PELI1: variants seen among roughly 807,000 people sequenced by gnomAD.
The protein encoded by PELI1 is E3 ubiquitin-protein ligase pellino homolog 1.
In PELI1, 15 loss-of-function variants were observed where a neutral mutation model predicts 41.3. That is an observed-to-expected ratio of 0.36 (90% confidence interval 0.24 to 0.56). The LOEUF is 0.56. PELI1 is among the 20% of genes least tolerant of loss of function. PELI1 has a pLI of 0.82. For synonymous variants in PELI1, 178 were observed against 180.1 expected (o/e 0.99, Z 0.09); for missense variants, 403 against 525.5 (o/e 0.77, Z 2.28).
At chr2:64,132,367 G>T (rs185389133) in intron 1 of PELI1, among the ~76,000 whole-genome samples, 1 of 152,198 alleles carries the variant, frequency 6.6e-6, no homozygotes, top group Non-Finnish European at 1.5e-5. Context: ...AATATTCCAC[G>T]ATCTGAAAAA....
At chr2:64,104,633 C>A in intron 3 of PELI1, 68 bp downstream of exon 3, 2 of 1,481,216 alleles carry the variant, frequency 1.4e-6, no homozygotes, top group South Asian at 1.4e-5. Context: ...CTAGAGAATA[C>A]AAACAACACA....
In PELI1 at chr2:64,135,224, T is replaced by C. The variant is rs1243245487; in HGVS notation, c.-70+8857A>G. ...ATCAAACTTTGCTAGTTTAGGTATGTAGGTTCTGGATGGATGCAGGATTAA... is the reference window on the plus strand; with the variant it reads ...ATCAAACTTTGCTAGTTTAGGTATGCAGGTTCTGGATGGATGCAGGATTAA... On this transcript the variant is annotated intron_variant, in intron 1 of 6. Coordinates refer to ENST00000358912, the MANE Select transcript of PELI1 (RefSeq NM_020651.4). Among the ~76,000 whole-genome samples the C allele has an allele frequency of 3.3e-5, 5 of 152,112 alleles. No homozygotes were observed. The East Asian group carries it at 7.7e-4, about 23-fold the overall frequency.
At chr2:64,143,846 C>T (rs1191467435) in intron 1 of PELI1, among the ~76,000 whole-genome samples, 1 of 151,716 alleles carries the variant, frequency 6.6e-6, no homozygotes, top group African/African-American at 2.4e-5. Flanking sequence ...CGCTCCCGGG[C>T]GGAGGGGGAG....
rs951454910 is a variant in PELI1 at position 64,138,674 on chromosome 2, C to G, written c.-70+5407G>C. On this transcript the variant is annotated intron_variant, in intron 1 of 6. Coordinates refer to ENST00000358912, the MANE Select transcript of PELI1 (RefSeq NM_020651.4). ...CCCAGGAAACAGAATTTGCAGTGACCTGAGATCGCCCCACTGCACTCCAGC... is the reference window on the plus strand; with the variant it reads ...CCCAGGAAACAGAATTTGCAGTGACGTGAGATCGCCCCACTGCACTCCAGC... Among the ~76,000 whole-genome samples, 3 of 152,188 alleles carry G rather than the reference C, an allele frequency of 2.0e-5. No individual in the cohort carries two copies. The East Asian group carries it at 5.8e-4, about 29-fold the overall frequency.
chr2:64,141,312 C>CCCCCG (rs1444982980), intron 1 of PELI1, among the ~76,000 whole-genome samples: 2 of 145,806 alleles, frequency 1.4e-5, no homozygotes, highest in Admixed American at 6.8e-5. Flanking sequence ...CCGCCCCCAC[C>CCCCCG]CCAAAGGAGC....
intron 1 of PELI1, among the ~76,000 whole-genome samples, chr2:64,117,639 G>T (rs891400314): frequency 1.2e-4 from 18 of 152,200 alleles, no homozygotes; most frequent in African/African-American, 4.3e-4. Context: ...CTCCAATATT[G>T]TAGTAAAGTC....
Position 64,095,098 on chromosome 2 carries a change from G to A in PELI1, c.861C>T (p.Asn287=). The stretch of plus-strand genomic sequence containing the variant: ...TCTTCATACTAGGAAATGCTAGTGT[G>A]TTGAACCCTACAGGGCACTGAGGTC... ...AARPQCPVGF[N]TLAFPSMKRK... Residue 287 remains asparagine (N), a synonymous_variant, in exon 7 of 7, where the codon AAC becomes AAT. Transcript: ENST00000358912. 6.2e-7 allele frequency: 1 copy of A among 1,614,168 alleles called. No individual in the cohort carries two copies. The highest frequency in any genetic ancestry group is 8.5e-7 in the Non-Finnish European group (1 of 1,180,018).
At chr2:64,135,459 GT>G (rs1681686302) in intron 1 of PELI1, among the ~76,000 whole-genome samples, 1 of 152,110 alleles carries the variant, frequency 6.6e-6, no homozygotes, top group African/African-American at 2.4e-5. Flanking sequence ...CCATCCACAG[GT>G]TACTACTTTA....
chr2:64,128,469 T>C (rs1368869407), intron 1 of PELI1, among the ~76,000 whole-genome samples: 1 of 152,158 alleles, frequency 6.6e-6, no homozygotes, highest in Admixed American at 6.6e-5. Context: ...ATATACTATA[T>C]ACATCTTAAT....
At chr2:64,104,502 ATTT>A (rs369797397) in intron 3 of PELI1, 196 bp downstream of exon 3, 2 of 717,542 alleles carry the variant, frequency 2.8e-6, no homozygotes, top group Non-Finnish European at 3.9e-6. Context: ...CTGGTTTGTC[ATTT>A]TTTTTTTAAA....
Position 64,104,486 on chromosome 2 carries a change from C to T in PELI1, c.201+215G>A, listed in dbSNP as rs553943653. The T allele has an allele frequency of 4.6e-4, 274 of 589,430 alleles. 1 individual carries two copies. The highest frequency in any genetic ancestry group is 6.5e-4 in the Non-Finnish European group (259 of 397,864). The allele number at this position is 589,430 out of a possible 1,614,324, so 36.5% of individuals were successfully genotyped here. On this transcript the variant is annotated intron_variant, in intron 3 of 6. Transcript: ENST00000358912. ...AGTGTTTCCTTCTAATTTCCACCCACTGATCCTGGTTTGTCATTTTTTTTT... is the reference window on the plus strand; with the variant it reads ...AGTGTTTCCTTCTAATTTCCACCCATTGATCCTGGTTTGTCATTTTTTTTT...
chr2:64,123,846 T>A (rs181255593), intron 1 of PELI1, among the ~76,000 whole-genome samples: 1 of 152,184 alleles, frequency 6.6e-6, no homozygotes. Context: ...TGCATTAATG[T>A]TCACAGCAGC....
chr2:64,117,975 A>C (rs915313024), intron 1 of PELI1, among the ~76,000 whole-genome samples: 1 of 151,906 alleles, frequency 6.6e-6, no homozygotes, highest in African/African-American at 2.4e-5. Flanking sequence ...ACGCCCAGCT[A>C]ATTTTTTGTA....
intron 4 of PELI1, among the ~76,000 whole-genome samples, chr2:64,097,701 A>T (rs1327993326): frequency 1.3e-5 from 2 of 152,236 alleles, no homozygotes; most frequent in Non-Finnish European, 2.9e-5. Flanking sequence ...CTGAGAAAAA[A>T]TACTGACCCT....
chr2:64,114,169 A>G (rs999235906), intron 1 of PELI1, among the ~76,000 whole-genome samples: 3 of 152,206 alleles, frequency 2.0e-5, no homozygotes, highest in African/African-American at 4.8e-5. Flanking sequence ...TGGACTGCAT[A>G]TATTATCTCA....
At chr2:64,121,669 G>A (rs987312629) in intron 1 of PELI1, among the ~76,000 whole-genome samples, 25 of 152,184 alleles carry the variant, frequency 1.6e-4, no homozygotes, top group Non-Finnish European at 4.4e-5. Flanking sequence ...ACTTTGGAAG[G>A]CCAAGGCAGG....
At chr2:64,107,083 C>CA (rs1322228723) in intron 2 of PELI1, among the ~76,000 whole-genome samples, 2 of 152,028 alleles carry the variant, frequency 1.3e-5, no homozygotes, top group Admixed American at 1.3e-4. Flanking sequence ...CATGCACTAT[C>CA]ATGCCCAGCT....
intron 6 of PELI1, among the ~76,000 whole-genome samples, chr2:64,095,493 A>G (rs1680202881): frequency 6.6e-6 from 1 of 152,268 alleles, no homozygotes; most frequent in Admixed American, 6.5e-5. Context: ...AAGACAACTT[A>G]TGATTAAAAC....
intron 1 of PELI1, among the ~76,000 whole-genome samples, chr2:64,136,396 C>A (rs1261452638): frequency 3.3e-5 from 5 of 152,086 alleles, no homozygotes; most frequent in African/African-American, 1.2e-4. Context: ...CACATGCATA[C>A]ATACATCTAC....
Sources: gnomAD v4.1 joint callset for allele counts (sites outside exome capture counted in the v4.1 genomes callset) on GRCh38, gnomAD v4.1.1 for gene constraint, MANE v1.5 for transcripts, NCBI Gene and HGNC (gene_info 2026-07-23, HGNC 2026-07-21) for gene names.